RALYL: variants seen among roughly 807,000 people sequenced by gnomAD.
RALYL encodes RALY RNA binding protein like, also known as RNA-binding Raly-like protein.
In RALYL, 29 loss-of-function variants were observed where a neutral mutation model predicts 35.1. The observed-to-expected ratio is 0.83, with a 90% confidence interval of 0.61 to 1.13. RALYL has a LOEUF of 1.13. Among genes scored for constraint, RALYL ranks in the 50% most tolerant of loss-of-function variants. The pLI, the probability that RALYL is intolerant of heterozygous loss-of-function variation, is 0.00. For synonymous variants in RALYL, 120 were observed against 127.6 expected (o/e 0.94, Z 0.40); for missense variants, 359 against 360.4 (o/e 1.00, Z 0.03).
In RALYL at chr8:84,558,703, G is replaced by A. The variant is rs529368942; in HGVS notation, c.256+29126G>A. The stretch of plus-strand genomic sequence containing the variant: ...AAATTTGAATTTAAAATTTCTGGTC[G>A]CTGGAGAGGAAAAGTTCTCCTACAG... On this transcript the variant is annotated intron_variant, in intron 2 of 8. Coordinates refer to ENST00000521268, the MANE Select transcript of RALYL (RefSeq NM_173848.7). 1.8e-4 allele frequency among the ~76,000 whole-genome samples: 28 copies of A among 152,106 alleles called. No homozygotes were observed. In the South Asian group the frequency reaches 4.8e-3, roughly 26 times the overall value.
At chr8:84,215,243 A>T (rs1175960801) in intron 1 of RALYL, among the ~76,000 whole-genome samples, 1 of 152,118 alleles carries the variant, frequency 6.6e-6, no homozygotes, top group East Asian at 1.9e-4. Context: ...ACAGGAAAAA[A>T]CTGTCATATT....
intron 2 of RALYL, among the ~76,000 whole-genome samples, chr8:84,689,103 G>A (rs1022451910): frequency 6.0e-5 from 9 of 151,192 alleles, no homozygotes; most frequent in African/African-American, 9.7e-5. Flanking sequence ...TATACTTTAA[G>A]TTTTAGGGTA....
intron 2 of RALYL, among the ~76,000 whole-genome samples, chr8:84,576,268 C>G (rs1809404838): frequency 6.6e-6 from 1 of 151,566 alleles, no homozygotes; most frequent in Non-Finnish European, 1.5e-5. Context: ...TGAATATAAA[C>G]AAAAAAAGCA....
chr8:84,909,043 G>T (rs964928299), intron 8 of RALYL, among the ~76,000 whole-genome samples: 2 of 152,016 alleles, frequency 1.3e-5, no homozygotes, highest in Non-Finnish European at 2.9e-5. Flanking sequence ...ATCTCAGCAG[G>T]CAGATGGCCC....
chr8:84,519,931 T>C (rs1484220501), intron 1 of RALYL, among the ~76,000 whole-genome samples: 2 of 152,206 alleles, frequency 1.3e-5, no homozygotes, highest in Non-Finnish European at 2.9e-5. Flanking sequence ...CTGCCAAATA[T>C]GATTCAAATA....
At chr8:84,832,871 C>A (rs1309862329) in intron 4 of RALYL, among the ~76,000 whole-genome samples, 1 of 151,968 alleles carries the variant, frequency 6.6e-6, no homozygotes, top group Non-Finnish European at 1.5e-5. Flanking sequence ...CGATTCTATT[C>A]TTTTTTAAAA....
intron 1 of RALYL, among the ~76,000 whole-genome samples, chr8:84,435,990 C>T (rs1304291637): frequency 1.3e-5 from 2 of 152,046 alleles, no homozygotes; most frequent in East Asian, 1.9e-4. Context: ...ACATAGGGTA[C>T]AGTGTATACT....
At chr8:84,483,379 T>A (rs1587688420) in intron 1 of RALYL, among the ~76,000 whole-genome samples, 1 of 152,260 alleles carries the variant, frequency 6.6e-6, no homozygotes, top group African/African-American at 2.4e-5. Flanking sequence ...TATTCATTGC[T>A]ATTGCAATAT....
At chr8:84,520,740 G>A (rs927989208) in intron 1 of RALYL, among the ~76,000 whole-genome samples, 11 of 152,226 alleles carry the variant, frequency 7.2e-5, no homozygotes, top group Admixed American at 1.3e-4. Context: ...TCTATGTTGC[G>A]TGCTCCTTAC....
At chr8:84,516,966 A>C (rs2058114258) in intron 1 of RALYL, among the ~76,000 whole-genome samples, 1 of 152,254 alleles carries the variant, frequency 6.6e-6, no homozygotes, top group Admixed American at 6.5e-5. Context: ...AAAATAAAAC[A>C]GCCTGCATAG....
intron 1 of RALYL, among the ~76,000 whole-genome samples, chr8:84,411,246 T>C (rs2044069070): frequency 6.6e-6 from 1 of 151,940 alleles, no homozygotes; most frequent in African/African-American, 2.4e-5. Flanking sequence ...CTACAGAACA[T>C]CACTGGACAA....
chr8:84,639,751 A>G (rs1405537977), intron 2 of RALYL, among the ~76,000 whole-genome samples: 1 of 151,942 alleles, frequency 6.6e-6, no homozygotes, highest in African/African-American at 2.4e-5. Context: ...ATGGCCAAGG[A>G]CCTTAGAGTC....
intron 5 of RALYL, among the ~76,000 whole-genome samples, chr8:84,859,388 A>G (rs1277036775): frequency 1.3e-5 from 2 of 152,166 alleles, no homozygotes; most frequent in Admixed American, 6.5e-5. Flanking sequence ...GGAAGTCAGC[A>G]TGAAACAGCC....
At chr8:84,441,792 G>A (rs1022140795) in intron 1 of RALYL, among the ~76,000 whole-genome samples, 1 of 151,954 alleles carries the variant, frequency 6.6e-6, no homozygotes, top group Non-Finnish European at 1.5e-5. Flanking sequence ...TCAAAATAGG[G>A]GTTTTCATTG....
chr8:84,340,590 C>T (rs1848624250), intron 1 of RALYL, among the ~76,000 whole-genome samples: 1 of 152,060 alleles, frequency 6.6e-6, no homozygotes, highest in African/African-American at 2.4e-5. Flanking sequence ...CAGGTTCATC[C>T]ATGTCATCAC....
intron 2 of RALYL, among the ~76,000 whole-genome samples, chr8:84,741,780 T>A (rs531873108): frequency 6.6e-6 from 1 of 152,034 alleles, no homozygotes; most frequent in African/African-American, 2.4e-5. Context: ...CTCCAGAGTG[T>A]ATAAACCTTT....
At chr8:84,622,216 G>C (rs974048167) in intron 2 of RALYL, among the ~76,000 whole-genome samples, 4 of 152,218 alleles carry the variant, frequency 2.6e-5, no homozygotes, top group Admixed American at 6.5e-5. Context: ...AAGAAAAAGG[G>C]GTCATACGTG....
intron 2 of RALYL, among the ~76,000 whole-genome samples, chr8:84,765,210 A>G (rs1813628594): frequency 6.6e-6 from 1 of 152,196 alleles, no homozygotes; most frequent in Non-Finnish European, 1.5e-5. Flanking sequence ...CTCCTGGGAC[A>G]CAGAGTGCAT....
intron 8 of RALYL, among the ~76,000 whole-genome samples, chr8:84,916,572 A>G (rs903591223): frequency 2.6e-5 from 4 of 152,008 alleles, no homozygotes; most frequent in Admixed American, 2.6e-4. Context: ...GCTGCCATCC[A>G]TGTAAGATGT....
Sources: gnomAD v4.1 joint callset for allele counts (sites outside exome capture counted in the v4.1 genomes callset) on GRCh38, gnomAD v4.1.1 for gene constraint, MANE v1.5 for transcripts, NCBI Gene and HGNC (gene_info 2026-07-23, HGNC 2026-07-21) for gene names.